Variants in ZBTB46 observed in about 807,000 individuals in gnomAD.
ZBTB46 encodes zinc finger and BTB domain containing 46, also known as zinc finger and BTB domain-containing protein 46.
Under a neutral mutation model 44.1 loss-of-function variants are expected in ZBTB46, and 8 were observed. The ratio of observed to expected loss-of-function variants is 0.18; its 90% CI spans 0.11 to 0.33. ZBTB46 has a LOEUF of 0.33. Ranked by LOEUF, ZBTB46 falls within the 10% of genes least tolerant of loss-of-function variation. ZBTB46 has a pLI of 1.00. For synonymous variants in ZBTB46, 409 were observed against 382.3 expected, an observed-to-expected ratio of 1.07 and a Z score of -0.81; for missense variants, 651 against 847.7, an observed-to-expected ratio of 0.77 and a Z score of 2.88.
At chr20:63,753,746 G>T (rs901540207) in intron 3 of ZBTB46, among the ~76,000 whole-genome samples, 1 of 152,258 alleles carries the variant, frequency 6.6e-6, no homozygotes, top group Non-Finnish European at 1.5e-5. Flanking sequence ...ACCTTTCAGT[G>T]CTGGGATTTT....
intron 1 of ZBTB46, among the ~76,000 whole-genome samples, chr20:63,804,756 G>A (rs1342648704): frequency 1.3e-5 from 2 of 151,880 alleles, no homozygotes; most frequent in East Asian, 2.0e-4. Context: ...GCCAGGCGTG[G>A]TGGGGGGCGC....
Position 63,803,116 on chromosome 20 carries a change from C to G in ZBTB46, c.-33-12326G>C, listed in dbSNP as rs1246287060. On this transcript the variant is annotated intron_variant, in intron 1 of 4. Transcript: ENST00000245663. This position sits in a 1 kb window ranked among gnomAD's most constrained non-coding sequence, Gnocchi z 4.0. ...ACCCACCAACCCGGCTCCCCCAGGG[C>G]ACCTCACCAGCAGGAACCAGGCGTG... Among the ~76,000 whole-genome samples, 1 of 152,154 alleles carries G rather than the reference C, an allele frequency of 6.6e-6. No homozygotes were observed. The highest frequency in any genetic ancestry group is 2.4e-5 in the African/African-American group (1 of 41,450).
intron 1 of ZBTB46, among the ~76,000 whole-genome samples, chr20:63,810,087 C>T (rs1232125696): frequency 6.6e-6 from 1 of 152,154 alleles, no homozygotes; most frequent in Non-Finnish European, 1.5e-5. Context: ...CAGCCTGCAG[C>T]GTGGGGATGA....
At chr20:63,750,743 A>G (rs1297450515) in intron 4 of ZBTB46, among the ~76,000 whole-genome samples, 1 of 151,992 alleles carries the variant, frequency 6.6e-6, no homozygotes, top group Non-Finnish European at 1.5e-5. Flanking sequence ...CATCACCACA[A>G]AACGCAAAAA....
chr20:63,814,194 C>T (rs1300142997), intron 1 of ZBTB46, among the ~76,000 whole-genome samples: 4 of 146,370 alleles, frequency 2.7e-5, no homozygotes, highest in Non-Finnish European at 5.9e-5. Flanking sequence ...GATCACGCCA[C>T]TGCACTCCAG....
chr20:63,828,762 G>A (rs1457174084), intron 1 of ZBTB46, among the ~76,000 whole-genome samples: 2 of 152,240 alleles, frequency 1.3e-5, no homozygotes, highest in African/African-American at 2.4e-5. Context: ...GCAGTGGAGC[G>A]GGTGCCTGGG....
At chr20:63,763,424 ATGG>A (rs1355698172) in intron 3 of ZBTB46, among the ~76,000 whole-genome samples, 1 of 152,228 alleles carries the variant, frequency 6.6e-6, no homozygotes, top group Non-Finnish European at 1.5e-5. Context: ...TACAGGAAGC[ATGG>A]TGGCATCAGC....
chr20:63,761,150 C>G (rs990785300), intron 3 of ZBTB46, among the ~76,000 whole-genome samples: 1 of 149,848 alleles, frequency 6.7e-6, no homozygotes, highest in Non-Finnish European at 1.5e-5. Flanking sequence ...AGGCACCCAC[C>G]ACCATACCCG....
intron 3 of ZBTB46, among the ~76,000 whole-genome samples, chr20:63,763,965 T>C (rs78476458): frequency 0.051 from 7,691 of 152,114 alleles, 264 homozygotes; most frequent in Non-Finnish European, 0.076. Context: ...CTTTCTTTTT[T>C]CTTTTTCTTT....
At chr20:63,808,996 A>G (rs867051809) in intron 1 of ZBTB46, among the ~76,000 whole-genome samples, 16 of 145,480 alleles carry the variant, frequency 1.1e-4, no homozygotes, top group Admixed American at 5.4e-4. Context: ...AAAAAAAAAA[A>G]AAAGAAAAAG....
intron 1 of ZBTB46, among the ~76,000 whole-genome samples, chr20:63,792,194 G>T (rs2092566647): frequency 1.3e-5 from 2 of 152,116 alleles, no homozygotes; most frequent in Admixed American, 6.6e-5. Context: ...GGTCCTAGGG[G>T]GCTAGAACTT....
chr20:63,770,164 C>T (rs890173508), intron 3 of ZBTB46, among the ~76,000 whole-genome samples: 8 of 152,260 alleles, frequency 5.3e-5, no homozygotes, highest in South Asian at 2.1e-4. Flanking sequence ...CCCGGCCGAC[C>T]GGCCGGCGGC....
chr20:63,753,301 G>A (rs1035248836), intron 3 of ZBTB46, among the ~76,000 whole-genome samples: 1 of 152,208 alleles, frequency 6.6e-6, no homozygotes, highest in Admixed American at 6.5e-5. Context: ...AAACACTGTG[G>A]AGTAATACGG....
At chr20:63,750,101 CGTAA>C (rs2092146489) in intron 4 of ZBTB46, among the ~76,000 whole-genome samples, 1 of 152,228 alleles carries the variant, frequency 6.6e-6, no homozygotes, top group Admixed American at 6.5e-5. Context: ...TGACAGTGCT[CGTAA>C]GTGCCATCGT....
intron 4 of ZBTB46, among the ~76,000 whole-genome samples, chr20:63,751,706 G>C (rs1315944834): frequency 1.7e-5 from 1 of 58,542 alleles, no homozygotes; most frequent in African/African-American, 8.3e-5. Flanking sequence ...ATAAAGCCCC[G>C]CCCCCCGGTG....
At chr20:63,756,641 C>T (rs1409356599) in intron 3 of ZBTB46, among the ~76,000 whole-genome samples, 1 of 152,260 alleles carries the variant, frequency 6.6e-6, no homozygotes, top group Admixed American at 6.5e-5. Flanking sequence ...CACCACACAT[C>T]GCCAAACAGG....
Position 63,807,479 on chromosome 20 carries a change from G to A in ZBTB46, c.-33-16689C>T, listed in dbSNP as rs145111215. On this transcript the variant is annotated intron_variant, in intron 1 of 4. Coordinates refer to ENST00000245663, the MANE Select transcript of ZBTB46 (RefSeq NM_001369741.1). ...CCCACCTCAGCCTCCCCAGTATCTC[G>A]GACTACAGGCGCACGCCAGCATACC... Among the ~76,000 whole-genome samples, 628 of 152,190 alleles carry A rather than the reference G, an allele frequency of 4.1e-3. 2 individuals are homozygous for A. The highest frequency in any genetic ancestry group is 0.014 in the Middle Eastern group (4 of 294).
At chr20:63,802,893 G>A (rs1050673532) in intron 1 of ZBTB46, among the ~76,000 whole-genome samples, 1 of 152,176 alleles carries the variant, frequency 6.6e-6, no homozygotes, top group Admixed American at 6.6e-5. Context: ...GCGGCGGGCT[G>A]ATGCCCAAAC....
At chr20:63,764,263 C>T (rs767105732) in intron 3 of ZBTB46, among the ~76,000 whole-genome samples, 4 of 152,070 alleles carry the variant, frequency 2.6e-5, no homozygotes, top group Admixed American at 2.0e-4. Context: ...ATGGTGAAAC[C>T]GTCTCTACTA....
Sources: allele counts gnomAD v4.1 joint callset (sites outside exome capture counted in the v4.1 genomes callset), GRCh38; gene constraint gnomAD v4.1.1; non-coding constraint Gnocchi (gnomAD v3.1); transcripts MANE v1.5; gene names NCBI Gene and HGNC (gene_info 2026-07-23, HGNC 2026-07-21).